Variants in DENND4B observed in about 807,000 individuals in gnomAD.
DENND4B encodes DENN domain-containing protein 4B.
Under a neutral mutation model 161.0 loss-of-function variants are expected in DENND4B, and 67 were observed. The observed-to-expected ratio is 0.42, with a 90% CI of 0.34 to 0.51. The LOEUF is 0.51. DENND4B is among the 20% of genes least tolerant of loss of function. The pLI is 0.08. For synonymous variants in DENND4B, 753 were observed against 813.8 expected (o/e 0.93, Z 1.27); for missense variants, 1,481 against 1,968.0 (o/e 0.75, Z 4.68).
intron 13 of DENND4B, among the ~76,000 whole-genome samples, chr1:153,938,156 C>T (rs1430408927): frequency 2.6e-5 from 4 of 152,224 alleles, no homozygotes; most frequent in Non-Finnish European, 5.9e-5. Flanking sequence ...CGCCTGTAAT[C>T]CCAGCACTTT....
In DENND4B at chr1:153,940,082, C is replaced by A; in HGVS notation, c.1603+74G>T. On this transcript the variant is annotated intron_variant, in intron 11 of 27. Coordinates refer to ENST00000361217, the MANE Select transcript of DENND4B (RefSeq NM_014856.3). This position sits in a 1 kb window ranked among gnomAD's most constrained non-coding sequence, Gnocchi z 5.6. Reference sequence around the variant, plus strand: ...ACCTCCTTAAGAAATGTCTAGCTCCCCACAGACCTCTGCAAACTGGAGGTT... The same window carrying A: ...ACCTCCTTAAGAAATGTCTAGCTCCACACAGACCTCTGCAAACTGGAGGTT... The A allele has an allele frequency of 7.6e-7, 1 of 1,312,764 alleles. No homozygotes were observed. The allele number at this position is 1,312,764 out of a possible 1,614,324, so 81.3% of individuals were successfully genotyped here. A position where few individuals can be genotyped will look rare whatever the true frequency, so the allele number is the denominator to read the frequency against.
In DENND4B at chr1:153,946,691, CCGG is replaced by C; in HGVS notation, c.-417_-415del. On this transcript the variant is annotated 5_prime_UTR_variant, in exon 1 of 28. Transcript: ENST00000361217. This position sits in a 1 kb window ranked among gnomAD's most constrained non-coding sequence, Gnocchi z 6.3. ...CGCTACCCCCACCCCTCCTCCTCGGCCGGCGGCCGTGACCCTGGCAAGCGTCTG... is the reference window on the plus strand; with the variant it reads ...CGCTACCCCCACCCCTCCTCCTCGGCCGGCCGTGACCCTGGCAAGCGTCTG... 2.7e-6 allele frequency: 1 copy of C among 376,732 alleles called. No individual in the cohort carries two copies. The highest frequency in any genetic ancestry group is 4.7e-6 in the Non-Finnish European group (1 of 212,318). The allele number at this position is 376,732 out of a possible 1,614,324, so 23.3% of individuals were successfully genotyped here. A position where few individuals can be genotyped will look rare whatever the true frequency, so the allele number is the denominator to read the frequency against.
At position 153,932,913 on chromosome 1, in the gene DENND4B, C is replaced by T. The variant is rs1325292134; in HGVS notation, c.3571G>A (p.Ala1191Thr). ...SNLNTTCPFC[A>T]CPFVPLLSVQ... ...CTGAGCAGGGGCACAAAGGGGCAGG[C>T]GCAGAAGGGGCAGGTTGTGTTGAGG... The change falls in exon 22 of 28, where the codon GCC becomes ACC. Residue 1191 changes from alanine (A) to threonine (T), a missense_variant. Coordinates refer to ENST00000361217, the MANE Select transcript of DENND4B (RefSeq NM_014856.3). This position sits in a 1 kb window ranked among gnomAD's most constrained non-coding sequence, Gnocchi z 5.8. The T allele has an allele frequency of 3.1e-6, 5 of 1,613,996 alleles. No homozygotes were observed. The highest frequency in any genetic ancestry group is 1.3e-5 in the African/African-American group (1 of 75,042).
In DENND4B at chr1:153,944,788, CT is replaced by C. The variant is rs1256268406; in HGVS notation, c.-23-392del. Among the ~76,000 whole-genome samples, 1 of 152,178 alleles carries C rather than the reference CT, an allele frequency of 6.6e-6. No individual in the cohort carries two copies. The highest frequency in any genetic ancestry group is 6.5e-5 in the Admixed American group (1 of 15,280). On this transcript the variant is annotated intron_variant, in intron 1 of 27. Transcript: ENST00000361217. The surrounding 1 kb of genome is among the most constrained non-coding windows in gnomAD (Gnocchi z 4.8). The stretch of plus-strand genomic sequence containing the variant: ...CATGACATCATACCAACCTTACAGT[CT>C]TTTCAAGGGTTTCTGACCTTCCTAC...
At chr1:153,945,157 G>A in intron 1 of DENND4B, 5 of 1,289,534 alleles carry the variant, frequency 3.9e-6, no homozygotes, top group Non-Finnish European at 5.1e-6. Flanking sequence ...CCCAACCCCG[G>A]GGAGTAGGAG....
Position 153,933,225 on chromosome 1 carries a change from G to A in DENND4B, c.3425C>T (p.Pro1142Leu). 2.5e-6 allele frequency: 4 copies of A among 1,613,194 alleles called. No individual in the cohort carries two copies. Among genetic ancestry groups the A allele is most frequent in the Non-Finnish European group, 3.4e-6 (4 of 1,179,528 alleles). Residue 1142 changes from proline (P) to leucine (L), a missense_variant, in exon 21 of 28, where the codon CCT (proline) becomes CTT (leucine). Transcript: ENST00000361217. This position sits in a 1 kb window ranked among gnomAD's most constrained non-coding sequence, Gnocchi z 5.7. ...RRSSERLSDT[P>L]GSFQSPSLEI... Reference sequence around the variant, plus strand: ...CAGGGAAGGTGACTGGAAGGATCCAGGGGTGTCACTGAGGCGCTCTGAGGA... The same window carrying A: ...CAGGGAAGGTGACTGGAAGGATCCAAGGGTGTCACTGAGGCGCTCTGAGGA...
At position 153,940,006 on chromosome 1, in the gene DENND4B, T is replaced by C. The variant is rs769301201; in HGVS notation, c.1603+150A>G. The C allele has an allele frequency of 3.6e-6, 3 of 834,082 alleles. No individual in the cohort carries two copies. The highest frequency in any genetic ancestry group is 5.6e-6 in the Non-Finnish European group (3 of 540,512). The allele number at this position is 834,082 out of a possible 1,614,324, so 51.7% of individuals were successfully genotyped here. A position where few individuals can be genotyped will look rare whatever the true frequency, so the allele number is the denominator to read the frequency against. On this transcript the variant is annotated intron_variant, in intron 11 of 27. Coordinates refer to ENST00000361217, the MANE Select transcript of DENND4B (RefSeq NM_014856.3). This position sits in a 1 kb window ranked among gnomAD's most constrained non-coding sequence, Gnocchi z 5.6. ...TGTCTGCCCTTCCTTCTAGCTTCAG[T>C]TGGAATTGGAATCTCCCTCAGTTCC...
chr1:153,942,809 C>T lies in DENND4B; in HGVS notation c.570+69G>A. The T allele has an allele frequency of 3.9e-6, 6 of 1,532,528 alleles. No individual in the cohort carries two copies. In the South Asian group the frequency reaches 6.4e-5, roughly 16 times the overall value. 94.9% of individuals were successfully genotyped at this position (1,532,528 alleles called of 1,614,324 possible). A position where few individuals can be genotyped will look rare whatever the true frequency, so the allele number is the denominator to read the frequency against. ...GTCAGAGCCTTGGTCCTGGGATGCC[C>T]TTTGTTCCCAGTGTCCACACCCACT... On this transcript the variant is annotated intron_variant, in intron 3 of 27. Coordinates refer to ENST00000361217, the MANE Select transcript of DENND4B (RefSeq NM_014856.3). This position sits in a 1 kb window ranked among gnomAD's most constrained non-coding sequence, Gnocchi z 6.9.
chr1:153,943,235 A>G (rs1411191914), intron 2 of DENND4B, 105 bp from the exon 3 acceptor site: 4 of 1,474,040 alleles, frequency 2.7e-6, no homozygotes, highest in Non-Finnish European at 3.7e-6. Flanking sequence ...CCTTGTACCC[A>G]CAGCCTTGTC....
At position 153,944,311 on chromosome 1, in the gene DENND4B, C is replaced by T. The variant is rs367549716; in HGVS notation, c.64G>A (p.Gly22Arg). The T allele has an allele frequency of 1.3e-5, 21 of 1,607,642 alleles. No homozygotes were observed. Among genetic ancestry groups the T allele is most frequent in the Middle Eastern group, 1.7e-4 (1 of 6,048 alleles). ...YFVVAGLAGN[G>R]APIPEETWVP... ...CACGTTTCCTCAGGGATGGGTGCTC[C>T]GTTCCCTGCAAGCCCAGCTACCACG... The change falls in exon 2 of 28, where the codon GGA (glycine) becomes AGA (arginine). Residue 22 changes from glycine to arginine, a missense_variant. By Grantham distance (125) the Gly-to-Arg change is moderately radical (BLOSUM62 -2). This residue lies in a region of DENND4B where 806 missense variants were observed against 1,134.4 expected (regional missense o/e 0.71). Coordinates refer to ENST00000361217, the MANE Select transcript of DENND4B (RefSeq NM_014856.3). The surrounding 1 kb of genome is among the most constrained non-coding windows in gnomAD (Gnocchi z 4.8).
chr1:153,943,427 C>T (rs1221778618), intron 2 of DENND4B, among the ~76,000 whole-genome samples: 1 of 152,164 alleles, frequency 6.6e-6, no homozygotes. Context: ...CCTATAATCC[C>T]AGCACTTTGG....
chr1:153,931,184 G>A (rs953605710), intron 24 of DENND4B, 120 bp from the exon 25 acceptor site: 8 of 780,134 alleles, frequency 1.0e-5, no homozygotes, highest in Non-Finnish European at 1.7e-5. Flanking sequence ...AAAGAGAAGT[G>A]GGAAAGGAAT....
In DENND4B at chr1:153,942,229, G is replaced by A. The variant is rs376999462; in HGVS notation, c.768C>T (p.Pro256=). 216 of 1,613,864 alleles carry A rather than the reference G, an allele frequency of 1.3e-4. No homozygotes were observed. Among genetic ancestry groups the A allele is most frequent in the Non-Finnish European group, 1.8e-4 (208 of 1,179,882 alleles). The stretch of plus-strand genomic sequence containing the variant: ...CCGTGAGCACAAAGGTGGAGAAGAC[G>A]GGCACGGGGTACTTGGTCTGGGCAG... The part of the protein sequence containing the change: ...CWPAQTKYPV[P]VFSTFVLTGA... Residue 256 remains proline (P), a synonymous_variant, in exon 5 of 28, where the codon CCC becomes CCT. Coordinates refer to ENST00000361217, the MANE Select transcript of DENND4B (RefSeq NM_014856.3). The surrounding 1 kb of genome is among the most constrained non-coding windows in gnomAD (Gnocchi z 6.9).
intron 13 of DENND4B, among the ~76,000 whole-genome samples, chr1:153,938,671 C>T (rs553196813): frequency 6.7e-6 from 1 of 149,320 alleles, no homozygotes; most frequent in African/African-American, 2.5e-5. Context: ...CCCTGCACTC[C>T]AGCCTGGGCG....
chr1:153,940,102 G>C lies in DENND4B; in HGVS notation c.1603+54C>G, dbSNP rs1423892022. 7.0e-7 allele frequency: 1 copy of C among 1,438,526 alleles called. No individual in the cohort carries two copies. Among genetic ancestry groups the C allele is most frequent in the African/African-American group, 1.4e-5 (1 of 69,944 alleles). The allele number at this position is 1,438,526 out of a possible 1,614,324, so 89.1% of individuals were successfully genotyped here. A position where few individuals can be genotyped will look rare whatever the true frequency, so the allele number is the denominator to read the frequency against. Reference sequence around the variant, plus strand: ...GCTCCCCACAGACCTCTGCAAACTGGAGGTTTGAGGGCAATGACAGTTCCC... The same window carrying C: ...GCTCCCCACAGACCTCTGCAAACTGCAGGTTTGAGGGCAATGACAGTTCCC... On this transcript the variant is annotated intron_variant, in intron 11 of 27. Coordinates refer to ENST00000361217, the MANE Select transcript of DENND4B (RefSeq NM_014856.3). The surrounding 1 kb of genome is among the most constrained non-coding windows in gnomAD (Gnocchi z 5.6).
rs748299957 is a variant in DENND4B, at chr1:153,930,714, G to A, written c.4258C>T (p.Pro1420Ser). ...GLLLETLGPPPTGLHLQRGIY... is the reference protein window; with the variant it reads ...GLLLETLGPPSTGLHLQRGIY... Reference sequence around the variant, plus strand: ...TACCTCTGCAGGTGCAGGCCAGTGGGTGGGGGCCCTAGAGTTTCCAGCAGG... The same window carrying A: ...TACCTCTGCAGGTGCAGGCCAGTGGATGGGGGCCCTAGAGTTTCCAGCAGG... Residue 1420 changes from proline to serine, a missense_variant, in exon 26 of 28, where the codon CCC becomes TCC. Coordinates refer to ENST00000361217, the MANE Select transcript of DENND4B (RefSeq NM_014856.3). The surrounding 1 kb of genome is among the most constrained non-coding windows in gnomAD (Gnocchi z 4.7). 7 of 1,612,114 alleles carry A rather than the reference G, an allele frequency of 4.3e-6. No individual in the cohort carries two copies. In the Admixed American group the frequency reaches 6.7e-5, roughly 15 times the overall value.
rs867601554 is a variant in DENND4B at position 153,936,529 on chromosome 1, A to G, written c.2439+13T>C. 10 of 1,571,584 alleles carry G rather than the reference A, an allele frequency of 6.4e-6. 1 individual carries two copies. The Middle Eastern group carries it at 1.9e-3, about 298-fold the overall frequency. On this transcript the variant is annotated intron_variant, in intron 16 of 27. Coordinates refer to ENST00000361217, the MANE Select transcript of DENND4B (RefSeq NM_014856.3). This position sits in a 1 kb window ranked among gnomAD's most constrained non-coding sequence, Gnocchi z 4.1. ...TGGGCCTGGGTATGAGCATGGTCAC[A>G]TAGATTGCCTACCTCATCAGGGAGC...
At chr1:153,946,841 C>G, upstream of DENND4B, 1 of 345,592 alleles carries the variant, frequency 2.9e-6, no homozygotes, top group Non-Finnish European at 5.2e-6. This position sits in a 1 kb window ranked among gnomAD's most constrained non-coding sequence, Gnocchi z 6.3. Flanking sequence ...CAGAGGGCCG[C>G]GGCGCGCTCC....
intron 2 of DENND4B, 125 bp downstream of exon 2, chr1:153,943,933 C>T (rs1469682719): frequency 9.1e-7 from 1 of 1,097,098 alleles, no homozygotes; most frequent in Non-Finnish European, 1.2e-6. Flanking sequence ...TCCTTCCTTC[C>T]TGGCCCCTGG....
Sources: allele counts gnomAD v4.1 joint callset (sites outside exome capture counted in the v4.1 genomes callset), GRCh38; gene constraint gnomAD v4.1.1; regional missense constraint gnomAD v4.1.1; non-coding constraint Gnocchi (gnomAD v3.1); transcripts MANE v1.5; gene names NCBI Gene and HGNC (gene_info 2026-07-23, HGNC 2026-07-21).